Variants in BCOR observed in about 807,000 individuals in gnomAD.
BCOR encodes BCL6 corepressor.
BCOR carries 10 observed loss-of-function variants against 86.7 expected under a neutral mutation model. The observed-to-expected ratio is 0.12, with a 90% confidence interval of 0.07 to 0.20. BCOR has a LOEUF of 0.20. Among genes scored for constraint, BCOR ranks in the 10% least tolerant of loss-of-function variants. The probability of loss-of-function intolerance (pLI) is 1.00; values close to 1 mark genes in which losing one functional copy is unlikely to be tolerated. For synonymous variants in BCOR, 611 were observed against 609.0 expected (o/e 1.00, Z -0.05); for missense variants, 1,259 against 1,452.1 (o/e 0.87, Z 2.16).
At chrX:40,070,601 T>G (rs1389046337) in intron 6 of BCOR, among the ~76,000 whole-genome samples, 4 of 111,475 alleles carry the variant, frequency 3.6e-5, no homozygotes, top group Non-Finnish European at 7.5e-5. Context: ...ACAACATCTA[T>G]GCCTTTGGAG....
At position 40,063,591 on chromosome X, in the gene BCOR, G is replaced by A. The variant is rs749560832; in HGVS notation, c.3847+17C>T. ...TCCAGGAGCGGGGTGAACACTCAAGGGGTGGCCCCCGCATACCTTGTTCAT... is the reference window on the plus strand; with the variant it reads ...TCCAGGAGCGGGGTGAACACTCAAGAGGTGGCCCCCGCATACCTTGTTCAT... On this transcript the variant is annotated intron_variant, in intron 8 of 14. Coordinates refer to ENST00000378444, the MANE Select transcript of BCOR (RefSeq NM_001123385.2). 1.7e-6 allele frequency: 2 copies of A among 1,190,970 alleles called. No homozygotes were observed. Among genetic ancestry groups the A allele is most frequent in the Admixed American group, 4.3e-5 (2 of 46,073 alleles).
intron 6 of BCOR, among the ~76,000 whole-genome samples, chrX:40,070,034 C>T (rs972275393): frequency 9.0e-6 from 1 of 111,505 alleles, no homozygotes; most frequent in South Asian, 3.7e-4. Context: ...GCACACTCTC[C>T]CTGATCACAC....
chrX:40,071,811 A>G (rs1470449399), intron 4 of BCOR, 121 bp from the exon 5 acceptor site: 2 of 510,251 alleles, frequency 3.9e-6, no homozygotes, highest in East Asian at 7.3e-5. Context: ...CTTTTAATTA[A>G]AAGTAAAATA....
At chrX:40,114,329 G>A (rs900864548) in intron 1 of BCOR, among the ~76,000 whole-genome samples, 6 of 111,097 alleles carry the variant, frequency 5.4e-5, no homozygotes, top group South Asian at 3.8e-4. Context: ...GCCCGTGGGA[G>A]TATGGGACAC....
intron 1 of BCOR, among the ~76,000 whole-genome samples, chrX:40,119,046 T>C (rs1363421628): frequency 8.9e-6 from 1 of 112,003 alleles, no homozygotes; most frequent in African/African-American, 3.2e-5. Context: ...TTGGCCAGGC[T>C]GGTCTCAAAC....
Position 40,057,262 on chromosome X carries a change from T to C in BCOR, c.4488A>G (p.Ala1496=). 8.3e-7 allele frequency: 1 copy of C among 1,212,017 alleles called. No individual in the cohort carries two copies. Among genetic ancestry groups the C allele is most frequent in the South Asian group, 1.8e-5 (1 of 56,979 alleles). The stretch of plus-strand genomic sequence containing the variant: ...AAGCTTCATGCAGGGCGCAGTAACC[T>C]GCGTTGTCCCGATGATTTACATCAC... ...KICDVNHRDN[A]GYCALHEACA... The change falls in exon 11 of 15, where the codon GCA becomes GCG. Residue 1496 remains alanine (A), a synonymous_variant. Coordinates refer to ENST00000378444, the MANE Select transcript of BCOR (RefSeq NM_001123385.2).
chrX:40,062,086 C>T (rs1934904058), intron 10 of BCOR, 53 bp downstream of exon 10: 6 of 1,164,565 alleles, frequency 5.2e-6, no homozygotes, highest in Non-Finnish European at 6.9e-6. Flanking sequence ...CACCACAGTC[C>T]GCAGGCCCCG....
upstream of BCOR, among the ~76,000 whole-genome samples, chrX:40,099,895 GGCTGGGCCGCGAAC>G (rs1937039087): frequency 8.9e-6 from 1 of 112,096 alleles, no homozygotes. Context: ...TGCCCAGCCA[GGCTGGGCCGCGAAC>G]GCTTCCAGGA....
At chrX:40,136,273 G>C (rs1937679901) in intron 1 of BCOR, among the ~76,000 whole-genome samples, 1 of 112,246 alleles carries the variant, frequency 8.9e-6, no homozygotes, top group South Asian at 3.6e-4. Context: ...GCACATTCTA[G>C]ACCAGTGAAC....
chrX:40,081,003 A>ACT (rs1491045625), intron 1 of BCOR, among the ~76,000 whole-genome samples: 4 of 110,336 alleles, frequency 3.6e-5, no homozygotes, highest in Non-Finnish European at 7.6e-5. Context: ...ACACACACAC[A>ACT]CTTATAATCT....
chrX:40,103,484 G>A (rs898868775), intron 1 of BCOR, among the ~76,000 whole-genome samples: 4 of 110,543 alleles, frequency 3.6e-5, no homozygotes, highest in African/African-American at 1.3e-4. Flanking sequence ...ATGAAGGAGG[G>A]GAGAAGTTCA....
rs181791753 is a variant in BCOR at position 40,097,888 on chromosome X, C to T, written c.-714G>A. ...TCCTGCGCGTCTCCCCCGCAGCCGC[C>T]GAGCTCGGCCCGCGTTCAGCGAGGA... On this transcript the variant is annotated 5_prime_UTR_variant, in exon 1 of 15. Transcript: ENST00000378444. Among the ~76,000 whole-genome samples the T allele has an allele frequency of 0.019, 2,072 of 110,594 alleles. 22 individuals carry two copies. The highest frequency in any genetic ancestry group is 0.032 in the South Asian group (84 of 2,605).
chrX:40,060,955 G>C (rs890366275), intron 10 of BCOR, among the ~76,000 whole-genome samples: 7 of 112,561 alleles, frequency 6.2e-5, no homozygotes, highest in Non-Finnish European at 1.1e-4. Context: ...GTCAAAGGGA[G>C]ACTGGCAGCT....
chrX:40,072,620 C>A lies in BCOR; in HGVS notation c.2726G>T (p.Gly909Val). 2 of 1,211,935 alleles carry A rather than the reference C, an allele frequency of 1.7e-6. No individual in the cohort carries two copies. Residue 909 changes from glycine (G) to valine (V), a missense_variant, in exon 4 of 15, where the codon GGC becomes GTC. Coordinates refer to ENST00000378444, the MANE Select transcript of BCOR (RefSeq NM_001123385.2). ...PFLEPPLGSDGPAVTFGKTQE... is the reference protein window; with the variant it reads ...PFLEPPLGSDVPAVTFGKTQE... ...GGTTTTACCAAAAGTTACAGCAGGG[C>A]CATCGCTCCCCAGAGGTGGCTCCAG... is the stretch of plus-strand genomic sequence containing the variant.
At chrX:40,063,105 G>T in intron 8 of BCOR, 34 bp from the exon 9 acceptor site, 1 of 994,068 alleles carries the variant, frequency 1.0e-6, no homozygotes, top group Non-Finnish European at 1.4e-6. Flanking sequence ...GTGGCGGGCG[G>T]ATGGGAGACG....
chrX:40,155,779 C>A (rs1286785753), intron 1 of BCOR, among the ~76,000 whole-genome samples: 1 of 112,907 alleles, frequency 8.9e-6, no homozygotes, highest in Non-Finnish European at 1.9e-5. Context: ...AACACCAAAT[C>A]ACCCCCGCCA....
chrX:40,087,238 A>G, intron 1 of BCOR, among the ~76,000 whole-genome samples: 1 of 113,094 alleles, frequency 8.8e-6, no homozygotes, highest in South Asian at 3.6e-4. Flanking sequence ...GAAATTGCCC[A>G]ACTCACTAAA....
At chrX:40,157,472 T>C (rs1938321502) in intron 1 of BCOR, among the ~76,000 whole-genome samples, 2 of 112,234 alleles carry the variant, frequency 1.8e-5, no homozygotes, top group African/African-American at 6.5e-5. Flanking sequence ...TCCATAAGAA[T>C]AACAAGCCGG....
chrX:40,153,239 C>T, intron 1 of BCOR, among the ~76,000 whole-genome samples: 1 of 112,994 alleles, frequency 8.9e-6, no homozygotes, highest in Non-Finnish European at 1.9e-5. Flanking sequence ...CCCGGACCCC[C>T]GGTCTGTGAG....
Sources: allele counts gnomAD v4.1 joint callset (sites outside exome capture counted in the v4.1 genomes callset), GRCh38; gene constraint gnomAD v4.1.1; transcripts MANE v1.5; gene names NCBI Gene and HGNC (gene_info 2026-07-23, HGNC 2026-07-21).